Variants in CCDC85A observed in about 807,000 individuals in gnomAD.
CCDC85A encodes the protein coiled-coil domain-containing protein 85A.
In CCDC85A, 38 loss-of-function variants were observed where a neutral mutation model predicts 50.2. That is an observed-to-expected ratio of 0.76 (90% CI 0.58 to 0.99). The LOEUF (loss-of-function observed/expected upper bound fraction) is 0.99, where lower values mean the gene tolerates loss of function less well. Among genes scored for constraint, CCDC85A ranks in the 50% least tolerant of loss-of-function variants. The pLI, the probability that CCDC85A is intolerant of heterozygous loss-of-function variation, is 0.00. For missense variants in CCDC85A, 820 were observed against 742.0 expected, an observed-to-expected ratio of 1.11 and a Z score of -1.22; for synonymous variants, 366 against 301.4, an observed-to-expected ratio of 1.21 and a Z score of -2.22.
At chr2:56,372,035 A>G (rs1159255044) in intron 3 of CCDC85A, among the ~76,000 whole-genome samples, 1 of 152,152 alleles carries the variant, frequency 6.6e-6, no homozygotes, top group East Asian at 1.9e-4. Context: ...TATGCTGGTA[A>G]AACCCATAAA....
intron 2 of CCDC85A, among the ~76,000 whole-genome samples, chr2:56,280,261 A>G (rs1019341122): frequency 2.0e-5 from 3 of 152,008 alleles, no homozygotes; most frequent in Non-Finnish European, 4.4e-5. Context: ...CTTTACTTCA[A>G]GGTTTTGCAG....
intron 2 of CCDC85A, among the ~76,000 whole-genome samples, chr2:56,227,775 C>A (rs571322844): frequency 6.6e-6 from 1 of 152,010 alleles, no homozygotes; most frequent in Admixed American, 6.5e-5. Context: ...ATCTGTTGGT[C>A]CAGTCTCTCT....
chr2:56,235,439 C>T (rs532061347), intron 2 of CCDC85A: 4 of 152,060 alleles, frequency 2.6e-5, no homozygotes, highest in African/African-American at 9.6e-5. Flanking sequence ...GGAGGCTTAC[C>T]TTGATACTGG....
intron 2 of CCDC85A, among the ~76,000 whole-genome samples, chr2:56,292,128 G>C (rs1433529553): frequency 6.6e-6 from 1 of 152,074 alleles, no homozygotes; most frequent in East Asian, 1.9e-4. Flanking sequence ...TGTCGCCCAG[G>C]CTGGAGTGCA....
intron 2 of CCDC85A, among the ~76,000 whole-genome samples, chr2:56,283,345 G>T (rs1056193987): frequency 2.0e-4 from 30 of 152,068 alleles, no homozygotes; most frequent in African/African-American, 7.2e-4. Flanking sequence ...TGTTAATTTT[G>T]TCAAATTTTT....
intron 5 of CCDC85A, among the ~76,000 whole-genome samples, chr2:56,378,821 A>G (rs930884026): frequency 2.0e-5 from 3 of 152,224 alleles, no homozygotes; most frequent in African/African-American, 7.2e-5. Context: ...CCGTGATGAC[A>G]GTAGAATCAA....
At chr2:56,236,212 C>G (rs76232981) in intron 2 of CCDC85A, among the ~76,000 whole-genome samples, 4,721 of 152,226 alleles carry the variant, frequency 0.031, 107 homozygotes, top group Non-Finnish European at 0.046. Flanking sequence ...TATGCAGTAC[C>G]TGGTACCTAG....
chr2:56,198,565 T>C (rs1479566380), intron 2 of CCDC85A, among the ~76,000 whole-genome samples: 3 of 152,232 alleles, frequency 2.0e-5, no homozygotes, highest in Admixed American at 1.3e-4. Context: ...ATCATAAGGA[T>C]ACATTTTGAC....
chr2:56,303,057 T>C (rs62167332), intron 2 of CCDC85A, among the ~76,000 whole-genome samples: 17,287 of 152,240 alleles, frequency 0.11, 1,164 homozygotes, highest in East Asian at 0.32. Context: ...CTTCTCTTTA[T>C]ACACTGTGGC....
intron 3 of CCDC85A, among the ~76,000 whole-genome samples, chr2:56,346,608 C>G (rs1674644327): frequency 6.6e-6 from 1 of 152,146 alleles, no homozygotes; most frequent in South Asian, 2.1e-4. Context: ...AGTTTGTGAA[C>G]ACAACATTTC....
At chr2:56,328,351 C>T (rs1278570469) in intron 2 of CCDC85A, among the ~76,000 whole-genome samples, 3 of 152,084 alleles carry the variant, frequency 2.0e-5, no homozygotes, top group African/African-American at 7.2e-5. Context: ...GATACTTGCT[C>T]AGCTTTCTAA....
rs1453162502 is a variant in CCDC85A at position 56,384,517 on chromosome 2, C to A, written c.*162C>A. On this transcript the variant is annotated 3_prime_UTR_variant, in exon 6 of 6. Transcript: ENST00000407595. ...CTCTAAAACCTGTAGTACAACTTCTCCCCTCAAGCTGATATTCTGTGTCTC... is the reference window on the plus strand; with the variant it reads ...CTCTAAAACCTGTAGTACAACTTCTACCCTCAAGCTGATATTCTGTGTCTC... 1.7e-6 allele frequency: 1 copy of A among 582,602 alleles called. No individual in the cohort carries two copies. The highest frequency in any genetic ancestry group is 3.1e-6 in the Non-Finnish European group (1 of 327,370). 36.1% of individuals were successfully genotyped at this position (582,602 alleles called of 1,614,324 possible).
intron 2 of CCDC85A, among the ~76,000 whole-genome samples, chr2:56,337,341 T>A (rs964930311): frequency 6.6e-6 from 1 of 152,246 alleles, no homozygotes; most frequent in South Asian, 2.1e-4. Context: ...TTCTAATGTC[T>A]AGATGCCCAT....
At chr2:56,212,512 T>C (rs573085506) in intron 2 of CCDC85A, among the ~76,000 whole-genome samples, 1 of 152,178 alleles carries the variant, frequency 6.6e-6, no homozygotes, top group South Asian at 2.1e-4. Flanking sequence ...TTCCTGTGCT[T>C]TCCACACTGA....
At chr2:56,201,076 CCACACACA>C (rs72152096) in intron 2 of CCDC85A, among the ~76,000 whole-genome samples, 6,473 of 147,218 alleles carry the variant, frequency 0.044, 248 homozygotes, top group Admixed American at 0.12. Flanking sequence ...TCATCTCTCT[CCACACACA>C]CACACACACA....
intron 2 of CCDC85A, among the ~76,000 whole-genome samples, chr2:56,241,298 C>G (rs569557567): frequency 2.6e-5 from 4 of 152,170 alleles, no homozygotes; most frequent in Admixed American, 2.0e-4. Flanking sequence ...CCCATCACTT[C>G]AAGCATTTAT....
intron 3 of CCDC85A, among the ~76,000 whole-genome samples, chr2:56,344,655 T>A (rs947105935): frequency 6.6e-6 from 1 of 152,186 alleles, no homozygotes; most frequent in African/African-American, 2.4e-5. Context: ...GTTTTCCTTT[T>A]AAAATTTTTT....
rs145024577 is a variant in CCDC85A, at chr2:56,304,313, T to C, written c.1241-38566T>C. On this transcript the variant is annotated intron_variant, in intron 2 of 5. Transcript: ENST00000407595. ...TGGCATTTCAAACAAATAATGTTTC[T>C]GAAACGCTCTCATACTGAAAAATGG... 1.4e-3 allele frequency among the ~76,000 whole-genome samples: 212 copies of C among 152,308 alleles called. 2 individuals are homozygous for C. Among genetic ancestry groups the C allele is most frequent in the African/African-American group, 4.6e-3 (190 of 41,564 alleles).
intron 1 of CCDC85A, among the ~76,000 whole-genome samples, chr2:56,189,490 C>T (rs1338987411): frequency 6.6e-6 from 1 of 151,940 alleles, no homozygotes; most frequent in Non-Finnish European, 1.5e-5. Context: ...CAGGTTTCAC[C>T]ACGTTGGCCA....
Sources: gnomAD v4.1 joint callset for allele counts (sites outside exome capture counted in the v4.1 genomes callset) on GRCh38, gnomAD v4.1.1 for gene constraint, MANE v1.5 for transcripts, NCBI Gene and HGNC (gene_info 2026-07-23, HGNC 2026-07-21) for gene names.